Variants in TRIP12 observed in about 807,000 individuals in gnomAD.
TRIP12 encodes E3 ubiquitin-protein ligase TRIP12.
TRIP12 carries 25 observed loss-of-function variants against 244.2 expected under a neutral mutation model. That is an observed-to-expected ratio of 0.10 (90% confidence interval 0.07 to 0.14). The LOEUF (loss-of-function observed/expected upper bound fraction) is 0.14. Among genes scored for constraint, TRIP12 ranks in the 10% least tolerant of loss-of-function variants. The pLI is 1.00. For synonymous variants in TRIP12, 905 were observed against 873.1 expected, an observed-to-expected ratio of 1.04 and a Z score of -0.64; for missense variants, 1,677 against 2,486.4, an observed-to-expected ratio of 0.67 and a Z score of 6.92.
intron 5 of TRIP12, among the ~76,000 whole-genome samples, chr2:229,839,520 A>G (rs1208141628): frequency 6.6e-6 from 1 of 152,088 alleles, no homozygotes; most frequent in Non-Finnish European, 1.5e-5. Flanking sequence ...TACTAAAAAT[A>G]CAAAAAAAAT....
intron 9 of TRIP12, among the ~76,000 whole-genome samples, chr2:229,817,646 C>T (rs1333054669): frequency 6.6e-6 from 1 of 152,120 alleles, no homozygotes; most frequent in Non-Finnish European, 1.5e-5. Context: ...GTGGCGCGAT[C>T]TTGGCTCACT....
chr2:229,797,257 A>G (rs1433582750), intron 24 of TRIP12, among the ~76,000 whole-genome samples: 1 of 152,144 alleles, frequency 6.6e-6, no homozygotes, highest in East Asian at 1.9e-4. Flanking sequence ...AAATAAAAAT[A>G]AGAACAAAAA....
At chr2:229,773,355 T>G (rs1314554712) in intron 38 of TRIP12, among the ~76,000 whole-genome samples, 1 of 152,088 alleles carries the variant, frequency 6.6e-6, no homozygotes, top group Non-Finnish European at 1.5e-5. Flanking sequence ...ATTACGGGCA[T>G]GAGCCACCGT....
upstream of TRIP12, chr2:229,922,456 AC>A (rs2076746784): frequency 1.9e-6 from 3 of 1,561,984 alleles, no homozygotes; most frequent in East Asian, 6.7e-5. Context: ...TGGCCCCTTG[AC>A]CCCAACCAAG....
intron 18 of TRIP12, 82 bp from the exon 19 acceptor site, chr2:229,804,309 C>T (rs1359904710): frequency 1.6e-6 from 2 of 1,222,802 alleles, no homozygotes; most frequent in Non-Finnish European, 2.3e-6. Flanking sequence ...AATACTCAAG[C>T]CAGTGTAATT....
chr2:229,798,398 C>G (rs1021996732), intron 23 of TRIP12, among the ~76,000 whole-genome samples: 3 of 150,564 alleles, frequency 2.0e-5, no homozygotes, highest in Non-Finnish European at 4.4e-5. Flanking sequence ...TTCTTATCTG[C>G]AGAGGGAAGT....
At chr2:229,799,539 G>A (rs2043690073) in intron 21 of TRIP12, among the ~76,000 whole-genome samples, 156 bp from the exon 22 acceptor site, 1 of 152,190 alleles carries the variant, frequency 6.6e-6, no homozygotes, top group African/African-American at 2.4e-5. Flanking sequence ...CACTTTGGGA[G>A]GCCGAGGCGG....
Position 229,791,167 on chromosome 2 carries a change from T to C in TRIP12, c.4500A>G (p.Lys1500=), listed in dbSNP as rs768960513. Reference sequence around the variant, plus strand: ...GCTTTTTTGCATTTCTAGGGGAAGTTTTCGTTGGAGCTGTTTGGGCTCTTC... The same window carrying C: ...GCTTTTTTGCATTTCTAGGGGAAGTCTTCGTTGGAGCTGTTTGGGCTCTTC... ...KRGRAQTAPT[K]TSPRNAKKHD... is the part of the protein sequence containing the mutation. Residue 1500 remains lysine (K), a synonymous_variant, in exon 30 of 42, where the codon AAA becomes AAG. Transcript: ENST00000675903. 32 of 1,614,024 alleles carry C rather than the reference T, an allele frequency of 2.0e-5. No individual in the cohort carries two copies. The highest frequency in any genetic ancestry group is 2.4e-5 in the Non-Finnish European group (28 of 1,179,998).
At chr2:229,818,284 AAT>A in intron 9 of TRIP12, 78 bp downstream of exon 9, 1 of 1,414,238 alleles carries the variant, frequency 7.1e-7, no homozygotes, top group Non-Finnish European at 9.7e-7. Context: ...TAATAATGAC[AAT>A]AATCATACAT....
intron 7 of TRIP12, among the ~76,000 whole-genome samples, chr2:229,830,392 A>C (rs555008328): frequency 6.6e-6 from 1 of 152,338 alleles, no homozygotes; most frequent in African/African-American, 2.4e-5. Flanking sequence ...CACTAGGCCT[A>C]AGTGGGTTAA....
At chr2:229,905,059 G>A (rs1404109477) in intron 1 of TRIP12, among the ~76,000 whole-genome samples, 5 of 152,322 alleles carry the variant, frequency 3.3e-5, no homozygotes, top group Non-Finnish European at 4.4e-5. Flanking sequence ...CGGATCACCT[G>A]AGGTGGGGAG....
chr2:229,781,962 T>C (rs1410472767), intron 34 of TRIP12, among the ~76,000 whole-genome samples: 2 of 152,278 alleles, frequency 1.3e-5, no homozygotes, highest in East Asian at 3.9e-4. Flanking sequence ...ATCCTGCTCC[T>C]TAGAACAACC....
chr2:229,768,367 T>C lies in TRIP12; in HGVS notation c.6007+249A>G, dbSNP rs374790460. Among the ~76,000 whole-genome samples, 24 of 152,382 alleles carry C rather than the reference T, an allele frequency of 1.6e-4. No individual in the cohort carries two copies. The East Asian group carries it at 4.0e-3, about 26-fold the overall frequency. On this transcript the variant is annotated intron_variant, in intron 41 of 41. Coordinates refer to ENST00000675903, the MANE Select transcript of TRIP12 (RefSeq NM_001348323.3). The stretch of plus-strand genomic sequence containing the variant: ...TTCTCATCTAAGTCAACTAAGAGTT[T>C]AGAATGTACAAATGGCCTGGAATTT...
At position 229,840,978 on chromosome 2, in the gene TRIP12, A is replaced by G. The variant is rs1264683121; in HGVS notation, c.1028-51T>C. ...AATTTTATAATGAGAAATTATCACT[A>G]ATTAAAAATTATAAAATTCTTCAGG... is the stretch of plus-strand genomic sequence containing the variant. On this transcript the variant is annotated intron_variant, in intron 4 of 41. Coordinates refer to ENST00000675903, the MANE Select transcript of TRIP12 (RefSeq NM_001348323.3). 2.3e-6 allele frequency: 3 copies of G among 1,314,122 alleles called. No homozygotes were observed. The South Asian group carries it at 4.1e-5, about 18-fold the overall frequency. 81.4% of individuals were successfully genotyped at this position (1,314,122 alleles called of 1,614,324 possible).
At chr2:229,839,209 A>G (rs1258009427) in intron 5 of TRIP12, among the ~76,000 whole-genome samples, 1 of 152,212 alleles carries the variant, frequency 6.6e-6, no homozygotes, top group African/African-American at 2.4e-5. Context: ...AACTGTCTAC[A>G]GTATTCTGTA....
chr2:229,786,778 A>G (rs553542309), intron 33 of TRIP12, among the ~76,000 whole-genome samples: 6 of 151,930 alleles, frequency 3.9e-5, no homozygotes, highest in African/African-American at 1.4e-4. Flanking sequence ...TTCAGTATAC[A>G]CTTCACTCCC....
intron 1 of TRIP12, among the ~76,000 whole-genome samples, chr2:229,909,574 C>A (rs2073844293): frequency 6.7e-6 from 1 of 150,168 alleles, no homozygotes; most frequent in African/African-American, 2.5e-5. Flanking sequence ...AAAAAAAAAG[C>A]CTGGTACAGT....
intron 2 of TRIP12, among the ~76,000 whole-genome samples, chr2:229,861,129 C>T (rs373583648): frequency 8.5e-5 from 13 of 152,212 alleles, no homozygotes; most frequent in East Asian, 7.7e-4. Context: ...CTTTAAAGTA[C>T]TTGTCAACAG....
At chr2:229,838,879 T>G (rs1158540010) in intron 5 of TRIP12, among the ~76,000 whole-genome samples, 1 of 152,224 alleles carries the variant, frequency 6.6e-6, no homozygotes, top group Admixed American at 6.5e-5. Flanking sequence ...TTATGACTTA[T>G]AGGCACCAAG....
Sources: gnomAD v4.1 joint callset for allele counts (sites outside exome capture counted in the v4.1 genomes callset) on GRCh38, gnomAD v4.1.1 for gene constraint, MANE v1.5 for transcripts, NCBI Gene and HGNC (gene_info 2026-07-23, HGNC 2026-07-21) for gene names.